ANOS1: variants seen among roughly 807,000 people sequenced by gnomAD.
ANOS1 encodes anosmin-1.
In ANOS1, 6 loss-of-function variants were observed where a neutral mutation model predicts 59.0. That is an observed-to-expected ratio of 0.10 (90% CI 0.06 to 0.20). The LOEUF is 0.20. ANOS1 is among the 10% of genes least tolerant of loss of function. The pLI is 1.00. For synonymous variants in ANOS1, 217 were observed against 223.4 expected, an observed-to-expected ratio of 0.97 and a Z score of 0.25; for missense variants, 433 against 542.3, an observed-to-expected ratio of 0.80 and a Z score of 2.00.
chrX:8,657,709 C>T (rs905401737), intron 2 of ANOS1, among the ~76,000 whole-genome samples: 15 of 110,887 alleles, frequency 1.4e-4, no homozygotes, highest in East Asian at 2.9e-4. Context: ...CCTTGTGATC[C>T]GCCTGCCTCA....
intron 8 of ANOS1, among the ~76,000 whole-genome samples, chrX:8,567,484 TA>T (rs1930137429): frequency 8.9e-6 from 1 of 112,012 alleles, no homozygotes; most frequent in Admixed American, 9.5e-5. Context: ...GATAAATATG[TA>T]AAACAATTGC....
intron 1 of ANOS1, among the ~76,000 whole-genome samples, chrX:8,708,628 G>A (rs959812136): frequency 8.9e-6 from 1 of 112,009 alleles, no homozygotes; most frequent in Non-Finnish European, 1.9e-5. Context: ...TGCTGGAGAG[G>A]ATGTGGAGAA....
chrX:8,573,586 T>C (rs988744885), intron 6 of ANOS1, among the ~76,000 whole-genome samples: 1 of 111,789 alleles, frequency 8.9e-6, no homozygotes, highest in African/African-American at 3.3e-5. Context: ...ACATAGACTA[T>C]GCTCCTGAAT....
intron 2 of ANOS1, among the ~76,000 whole-genome samples, chrX:8,658,733 C>G (rs1361235899): frequency 8.9e-6 from 1 of 111,779 alleles, no homozygotes; most frequent in Non-Finnish European, 1.9e-5. Flanking sequence ...AGGACTACCT[C>G]TTCTGCTCTC....
At chrX:8,637,595 GA>G (rs1931592557) in intron 2 of ANOS1, among the ~76,000 whole-genome samples, 1 of 112,277 alleles carries the variant, frequency 8.9e-6, no homozygotes, top group South Asian at 3.7e-4. Flanking sequence ...CTGAGCACTT[GA>G]AATGTGGCCA....
At chrX:8,642,256 A>G (rs1875500045) in intron 2 of ANOS1, among the ~76,000 whole-genome samples, 1 of 112,216 alleles carries the variant, frequency 8.9e-6, no homozygotes. Context: ...AAAAAGCCAG[A>G]TAAAAAGATT....
At chrX:8,534,292 G>C in intron 13 of ANOS1, 27 bp downstream of exon 13, 2 of 1,206,831 alleles carry the variant, frequency 1.7e-6, no homozygotes, top group Non-Finnish European at 2.2e-6. Context: ...CTGACAGGAT[G>C]GCTTAATGCC....
intron 9 of ANOS1, among the ~76,000 whole-genome samples, chrX:8,552,734 TAATAA>T (rs1339357710): frequency 9.0e-6 from 1 of 110,856 alleles, no homozygotes; most frequent in Non-Finnish European, 1.9e-5. Flanking sequence ...ATTTTAATAT[TAATAA>T]AATGTTATTT....
At chrX:8,541,446 C>A (rs145135345) in intron 9 of ANOS1, among the ~76,000 whole-genome samples, 34 of 91,189 alleles carry the variant, frequency 3.7e-4, no homozygotes, top group Admixed American at 8.8e-4. Flanking sequence ...AAAAATAAAA[C>A]AAAAAAAAAA....
At chrX:8,554,783 G>T (rs1455576430) in intron 8 of ANOS1, among the ~76,000 whole-genome samples, 1 of 108,865 alleles carries the variant, frequency 9.2e-6, no homozygotes, top group Non-Finnish European at 1.9e-5. Flanking sequence ...AATAGTGGGA[G>T]GTTTTAACAC....
chrX:8,611,084 A>G (rs144236908), intron 3 of ANOS1, among the ~76,000 whole-genome samples: 57 of 111,116 alleles, frequency 5.1e-4, no homozygotes, highest in African/African-American at 1.9e-3. Context: ...CCAGGAATGT[A>G]GAGGAAAACA....
intron 6 of ANOS1, among the ~76,000 whole-genome samples, chrX:8,574,582 G>A (rs1429360314): frequency 1.8e-5 from 2 of 111,925 alleles, no homozygotes; most frequent in African/African-American, 6.5e-5. Context: ...GGAAATTTTA[G>A]ACTGGTTTAG....
At chrX:8,577,168 T>C (rs1280559925) in intron 6 of ANOS1, among the ~76,000 whole-genome samples, 1 of 112,324 alleles carries the variant, frequency 8.9e-6, no homozygotes, top group Non-Finnish European at 1.9e-5. Context: ...AAACTCGACA[T>C]GAGCACTGTT....
intron 2 of ANOS1, among the ~76,000 whole-genome samples, chrX:8,646,949 AAAAG>A (rs1569072526): frequency 9.2e-6 from 1 of 108,526 alleles, no homozygotes; most frequent in Non-Finnish European, 1.9e-5. Flanking sequence ...AAAAAAAAAA[AAAAG>A]AAGATTTCAC....
intron 2 of ANOS1, among the ~76,000 whole-genome samples, chrX:8,676,512 G>A (rs1197725973): frequency 8.9e-6 from 1 of 112,030 alleles, no homozygotes; most frequent in Non-Finnish European, 1.9e-5. Context: ...GGGGAAGGGA[G>A]TGAAGTTCTG....
At chrX:8,634,791 T>C (rs1431802379) in intron 2 of ANOS1, among the ~76,000 whole-genome samples, 1 of 111,867 alleles carries the variant, frequency 8.9e-6, no homozygotes, top group Non-Finnish European at 1.9e-5. Flanking sequence ...ATTATGGATA[T>C]AAATCTATGG....
chrX:8,570,974 G>T (rs980822656), intron 6 of ANOS1, among the ~76,000 whole-genome samples: 1 of 109,207 alleles, frequency 9.2e-6, no homozygotes, highest in Non-Finnish European at 1.9e-5. Context: ...AGCTGGGCAG[G>T]GTGGTGCATG....
intron 4 of ANOS1, among the ~76,000 whole-genome samples, chrX:8,593,953 G>A (rs750911636): frequency 8.9e-6 from 1 of 111,952 alleles, no homozygotes; most frequent in African/African-American, 3.2e-5. Context: ...CACTGTGTCA[G>A]ACCTTAGTTA....
chrX:8,553,899 T>C lies in ANOS1; in HGVS notation c.1354+53A>G, dbSNP rs1326238907. On this transcript the variant is annotated intron_variant, in intron 9 of 13. Coordinates refer to ENST00000262648, the MANE Select transcript of ANOS1 (RefSeq NM_000216.4). ...ATTTACTTCTTCAAAACTATCTCTA[T>C]ATTACTGTGCTGTTTAAAGCAAGTA... 4 of 1,091,891 alleles carry C rather than the reference T, an allele frequency of 3.7e-6. No individual in the cohort carries two copies. The Admixed American group carries it at 6.5e-5, about 18-fold the overall frequency. The allele number at this position is 1,091,891 out of a possible 1,213,427, so 90.0% of individuals were successfully genotyped here.
Sources: gnomAD v4.1 joint callset for allele counts (sites outside exome capture counted in the v4.1 genomes callset) on GRCh38, gnomAD v4.1.1 for gene constraint, MANE v1.5 for transcripts, NCBI Gene and HGNC (gene_info 2026-07-23, HGNC 2026-07-21) for gene names.